PGAP4: variants seen among roughly 807,000 people sequenced by gnomAD.
PGAP4 encodes the protein GPI-N-acetylgalactosamine transferase PGAP4.
In PGAP4, 12 loss-of-function variants were observed where a neutral mutation model predicts 28.2. That is an observed-to-expected ratio of 0.42 (90% CI 0.27 to 0.69). The LOEUF (loss-of-function observed/expected upper bound fraction) is 0.69, where lower values mean the gene tolerates loss of function less well. Ranked by LOEUF, PGAP4 falls within the 30% of genes least tolerant of loss-of-function variation. PGAP4 has a pLI of 0.22. For synonymous variants in PGAP4, 205 were observed against 211.8 expected (o/e 0.97, Z 0.28); for missense variants, 425 against 513.5 (o/e 0.83, Z 1.67).
chr9:101,510,743 A>C lies in PGAP4; in HGVS notation c.-165+20605T>G, dbSNP rs182422912. ...CCAAAACTGTGACTGTGACAAGTAC[A>C]CAATGCGGGAAAGAGTCACGGACAG... On this transcript the variant is annotated intron_variant, in intron 2 of 3. Coordinates refer to the PGAP4 transcript ENST00000374851. Among the ~76,000 whole-genome samples, 342 of 152,272 alleles carry C rather than the reference A, an allele frequency of 2.2e-3. 1 individual carries two copies. The highest frequency in any genetic ancestry group is 3.6e-3 in the Non-Finnish European group (244 of 68,018).
At chr9:101,527,908 A>T (rs1372863921) in intron 2 of PGAP4, among the ~76,000 whole-genome samples, 1 of 152,160 alleles carries the variant, frequency 6.6e-6, no homozygotes, top group Non-Finnish European at 1.5e-5. Context: ...CATCATCTTG[A>T]CTGCCCATTG....
At chr9:101,477,978 G>GA (rs1826376428) in intron 1 of PGAP4, among the ~76,000 whole-genome samples, 1 of 152,108 alleles carries the variant, frequency 6.6e-6, no homozygotes, top group African/African-American at 2.4e-5. Flanking sequence ...TTTGGTCCAG[G>GA]AAAAAATGCT....
intron 1 of PGAP4, among the ~76,000 whole-genome samples, chr9:101,478,365 G>T (rs1342554585): frequency 4.6e-5 from 7 of 152,236 alleles, no homozygotes; most frequent in Non-Finnish European, 1.0e-4. Context: ...CTGCAGTACA[G>T]AAAGTAAATC....
intron 1 of PGAP4, chr9:101,531,617 G>C (rs1827091110): frequency 6.6e-6 from 1 of 152,218 alleles, no homozygotes; most frequent in South Asian, 2.1e-4. Context: ...CCTGATTAAA[G>C]TGTCAATTGC....
chr9:101,506,785 A>G (rs757216685), intron 2 of PGAP4, among the ~76,000 whole-genome samples: 3 of 152,114 alleles, frequency 2.0e-5, no homozygotes, highest in Non-Finnish European at 4.4e-5. Flanking sequence ...TGGAGGCCAT[A>G]CAAAGTCTTG....
At chr9:101,529,878 C>G (rs1218703859) in intron 2 of PGAP4, among the ~76,000 whole-genome samples, 3 of 152,214 alleles carry the variant, frequency 2.0e-5, no homozygotes, top group Admixed American at 6.5e-5. Flanking sequence ...TAAGAACTTG[C>G]ATTTTCAGAG....
At chr9:101,514,937 G>A (rs1221594679) in intron 2 of PGAP4, among the ~76,000 whole-genome samples, 1 of 152,172 alleles carries the variant, frequency 6.6e-6, no homozygotes. Flanking sequence ...CTAAGTTTCT[G>A]CTTTGAGGAG....
chr9:101,476,651 G>A lies in PGAP4; in HGVS notation c.442C>T (p.Arg148Cys), dbSNP rs565590120. Residue 148 changes from arginine to cysteine, a missense_variant, in exon 2 of 2, where the codon CGT becomes TGT. Transcript: ENST00000374848. This position sits in a 1 kb window ranked among gnomAD's most constrained non-coding sequence, Gnocchi z 7.0. ...GHQLFLCNVE[R>C]SVSHFDAKLL... is the part of the protein sequence containing the mutation. ...TTGGCATCAAAATGGCTCACACTAC[G>A]CTCCACGTTGCACAGGAAGAGTTGG... 2.8e-5 allele frequency: 46 copies of A among 1,614,046 alleles called. 1 individual carries two copies. Among genetic ancestry groups the A allele is most frequent in the East Asian group, 4.5e-5 (2 of 44,884 alleles).
At chr9:101,477,227 C>CAAACAAAA (rs1826352589) in intron 1 of PGAP4, 58 bp from the exon 2 acceptor site, 14 of 1,334,272 alleles carry the variant, frequency 1.0e-5, no homozygotes, top group Non-Finnish European at 1.3e-5. Flanking sequence ...AACAAACAAA[C>CAAACAAAA]AAACAAAAAA....
intron 1 of PGAP4, among the ~76,000 whole-genome samples, chr9:101,482,030 G>A (rs1826504634): frequency 1.3e-5 from 2 of 152,096 alleles, no homozygotes; most frequent in East Asian, 3.9e-4. Context: ...CCTCCAGAAT[G>A]AGCAACACAA....
chr9:101,522,972 CT>C (rs1291446694), intron 2 of PGAP4, among the ~76,000 whole-genome samples: 2 of 152,060 alleles, frequency 1.3e-5, no homozygotes, highest in Admixed American at 6.6e-5. Context: ...TGTATCTTTC[CT>C]TCCTATATGA....
At chr9:101,523,566 T>TC in intron 2 of PGAP4, among the ~76,000 whole-genome samples, 1 of 150,724 alleles carries the variant, frequency 6.6e-6, no homozygotes, top group South Asian at 2.1e-4. Context: ...TCATTGTTTT[T>TC]TTTTCTTTAA....
At chr9:101,512,118 G>A (rs189432692) in intron 2 of PGAP4, among the ~76,000 whole-genome samples, 66 of 152,218 alleles carry the variant, frequency 4.3e-4, no homozygotes, top group African/African-American at 1.5e-3. Context: ...AAAAGCAGGG[G>A]TTTGTTAAAT....
chr9:101,477,647 A>T (rs1221524460), intron 1 of PGAP4, among the ~76,000 whole-genome samples: 2 of 152,234 alleles, frequency 1.3e-5, no homozygotes, highest in Admixed American at 1.3e-4. Context: ...TTTCCAAAAA[A>T]AACTTGTCCA....
At chr9:101,494,049 T>C (rs895628735) in intron 2 of PGAP4, among the ~76,000 whole-genome samples, 1 of 152,052 alleles carries the variant, frequency 6.6e-6, no homozygotes, top group African/African-American at 2.4e-5. Flanking sequence ...TTAAAAACTG[T>C]TTGAGGCTTG....
At chr9:101,521,263 C>T (rs919417323) in intron 2 of PGAP4, among the ~76,000 whole-genome samples, 3 of 151,952 alleles carry the variant, frequency 2.0e-5, no homozygotes, top group South Asian at 2.1e-4. Context: ...CCTTCTTTAT[C>T]TTGTGGAATA....
chr9:101,531,997 C>T (rs2118648492), intron 1 of PGAP4, among the ~76,000 whole-genome samples: 1 of 152,356 alleles, frequency 6.6e-6, no homozygotes, highest in Admixed American at 6.5e-5. Context: ...TTGCCAGTAG[C>T]TGTGGCTCAG....
At chr9:101,492,069 A>C (rs1048971213), upstream of PGAP4, among the ~76,000 whole-genome samples, 1 of 151,912 alleles carries the variant, frequency 6.6e-6, no homozygotes, top group South Asian at 2.1e-4. Flanking sequence ...TGTTAAACAC[A>C]TAATTGTGAA....
chr9:101,511,182 A>T (rs1000131591), intron 2 of PGAP4, among the ~76,000 whole-genome samples: 2 of 152,124 alleles, frequency 1.3e-5, no homozygotes, highest in African/African-American at 4.8e-5. Flanking sequence ...ATCTGACAGG[A>T]GGTAGAGCTC....
Sources: gnomAD v4.1 joint callset for allele counts (sites outside exome capture counted in the v4.1 genomes callset) on GRCh38, gnomAD v4.1.1 for gene constraint, Gnocchi (gnomAD v3.1) non-coding constraint, MANE v1.5 for transcripts, NCBI Gene and HGNC (gene_info 2026-07-23, HGNC 2026-07-21) for gene names.